ZNF716: variants seen among roughly 807,000 people sequenced by gnomAD.
ZNF716 encodes zinc finger protein 716.
In ZNF716, 9 loss-of-function variants were observed where a neutral mutation model predicts 13.4. The observed-to-expected ratio is 0.67, with a 90% confidence interval of 0.41 to 1.18. The LOEUF is 1.18. Ranked by LOEUF, ZNF716 falls within the 50% of genes most tolerant of loss-of-function variation. The probability of loss-of-function intolerance (pLI) is 0.01; values close to 1 mark genes in which losing one functional copy is unlikely to be tolerated. For missense variants in ZNF716, 581 were observed against 576.6 expected, an observed-to-expected ratio of 1.01 and a Z score of -0.08; for synonymous variants, 186 against 195.2, an observed-to-expected ratio of 0.95 and a Z score of 0.39.
intron 1 of ZNF716, among the ~76,000 whole-genome samples, chr7:57,461,777 C>CT (rs1554323134): frequency 6.6e-6 from 1 of 152,142 alleles, no homozygotes; most frequent in Non-Finnish European, 1.5e-5. Flanking sequence ...CATATTAAGA[C>CT]TTAAGAGGAA....
chr7:57,458,160 G>T (rs1485652032), intron 1 of ZNF716, among the ~76,000 whole-genome samples: 2 of 151,962 alleles, frequency 1.3e-5, no homozygotes, highest in Non-Finnish European at 2.9e-5. Flanking sequence ...ACATTCATTG[G>T]GTATATTCCC....
Position 57,468,896 on chromosome 7 carries a change from T to A in ZNF716, c.435T>A (p.Val145=), listed in dbSNP as rs1462853818. ...TGCACAAAGGAGGTTATAATTATGT[T>A]AACCAATGTTTGTCAGCTACCCAAA... ...CEVHKGGYNY[V]NQCLSATQNK... is the part of the protein sequence containing the mutation. Residue 145 remains valine (V), a synonymous_variant, in exon 4 of 4, where the codon GTT becomes GTA. Coordinates refer to ENST00000420713, the MANE Select transcript of ZNF716 (RefSeq NM_001159279.1). 3.7e-6 allele frequency: 6 copies of A among 1,611,932 alleles called. No homozygotes were observed. In the African/African-American group the frequency reaches 8.0e-5, roughly 22 times the overall value.
At chr7:57,455,542 A>G (rs1789570268) in intron 1 of ZNF716, among the ~76,000 whole-genome samples, 1 of 152,160 alleles carries the variant, frequency 6.6e-6, no homozygotes, top group Non-Finnish European at 1.5e-5. Flanking sequence ...TTAGAGATAG[A>G]GTCTCACTCT....
intron 1 of ZNF716, among the ~76,000 whole-genome samples, chr7:57,455,602 C>T (rs1393824062): frequency 6.6e-6 from 1 of 151,938 alleles, no homozygotes; most frequent in East Asian, 1.9e-4. Context: ...TTGCAATCTC[C>T]ACCTCCTGGA....
intron 1 of ZNF716, among the ~76,000 whole-genome samples, chr7:57,452,251 AT>A (rs1188176123): frequency 2.0e-5 from 3 of 152,086 alleles, no homozygotes; most frequent in African/African-American, 4.8e-5. Context: ...TACATTAATT[AT>A]TTTTTTTAAA....
rs1444730551 is a variant in ZNF716 at position 57,471,707 on chromosome 7, A to G, written c.*1758A>G. On this transcript the variant is annotated 3_prime_UTR_variant, in exon 4 of 4. Coordinates refer to ENST00000420713, the MANE Select transcript of ZNF716 (RefSeq NM_001159279.1). ...TACAGTTTAGAAAACACTAGTTTATACTAAAAAAATATTTTTGCAGATGCA... is the reference window on the plus strand; with the variant it reads ...TACAGTTTAGAAAACACTAGTTTATGCTAAAAAAATATTTTTGCAGATGCA... 1 of 152,146 alleles carries G rather than the reference A, an allele frequency of 6.6e-6. No homozygotes were observed. The highest frequency in any genetic ancestry group is 6.6e-5 in the Admixed American group (1 of 15,230). The allele number at this position is 152,146 out of a possible 1,614,324, so 9.4% of individuals were successfully genotyped here.
Position 57,469,576 on chromosome 7 carries a change from G to C in ZNF716, c.1115G>C (p.Arg372Thr). The C allele has an allele frequency of 6.2e-7, 1 of 1,612,628 alleles. No individual in the cohort carries two copies. Among genetic ancestry groups the C allele is most frequent in the Non-Finnish European group, 8.5e-7 (1 of 1,179,434 alleles). ...TCCTCAACTCTAAATACTCATAAGA[G>C]GATTCATACTGGAGAGAAACCCTAC... ...TFSSTLNTHK[R>T]IHTGEKPYTC... The change falls in exon 4 of 4, where the codon AGG (arginine) becomes ACG (threonine). Residue 372 changes from arginine (R) to threonine (T), a missense_variant. By Grantham distance (71) the Arg-to-Thr change is moderately conservative. Transcript: ENST00000420713.
At chr7:57,452,191 C>G (rs953149667) in intron 1 of ZNF716, among the ~76,000 whole-genome samples, 3 of 152,140 alleles carry the variant, frequency 2.0e-5, no homozygotes, top group Admixed American at 1.3e-4. Context: ...TTCTTTCTAA[C>G]TCATATTATT....
intron 1 of ZNF716, among the ~76,000 whole-genome samples, chr7:57,459,526 G>A (rs1789669030): frequency 2.0e-5 from 3 of 152,192 alleles, no homozygotes; most frequent in Admixed American, 6.5e-5. Flanking sequence ...ATGTGTCTGC[G>A]AAAGCACAAT....
At position 57,463,228 on chromosome 7, in the gene ZNF716, G is replaced by C. The variant is rs1472377907; in HGVS notation, c.262+60G>C. ...GAGAGTTACAAAAGTCAAGGAGGAA[G>C]CCAGTCCTTAAAATGTGGTCTGGGG... On this transcript the variant is annotated intron_variant, in intron 3 of 3. Coordinates refer to ENST00000420713, the MANE Select transcript of ZNF716 (RefSeq NM_001159279.1). The C allele has an allele frequency of 4.4e-6, 7 of 1,590,170 alleles. No individual in the cohort carries two copies. The African/African-American group carries it at 5.4e-5, about 12-fold the overall frequency.
In ZNF716 at chr7:57,462,543, T is replaced by C; in HGVS notation, c.123T>C (p.Tyr41=). The C allele has an allele frequency of 1.9e-6, 3 of 1,613,534 alleles. No homozygotes were observed. The highest frequency in any genetic ancestry group is 1.1e-5 in the South Asian group (1 of 90,974). The part of the protein sequence containing the change: ...QCLDHAQQNL[Y]RDVMLENYRN... ...TGGATCATGCTCAGCAGAATTTATA[T>C]AGAGATGTGATGTTAGAGAACTACA... The change falls in exon 2 of 4, where the codon TAT becomes TAC. Residue 41 remains tyrosine, a synonymous_variant. Transcript: ENST00000420713.
chr7:57,462,758 A>G (rs1266737741), intron 2 of ZNF716, among the ~76,000 whole-genome samples, 172 bp downstream of exon 2: 19 of 152,136 alleles, frequency 1.2e-4, no homozygotes, highest in African/African-American at 2.4e-5. Flanking sequence ...CTTGACCTGA[A>G]CTTTTCCCTT....
chr7:57,464,115 CTTTTTTCTTTTT>C (rs1334608799), intron 3 of ZNF716, among the ~76,000 whole-genome samples: 1 of 110,240 alleles, frequency 9.1e-6, no homozygotes, highest in Non-Finnish European at 1.7e-5. Context: ...TTGTCCATTT[CTTTTTTCTTTTT>C]TTTTTTTTTT....
chr7:57,457,263 T>A lies in ZNF716; in HGVS notation c.40-5197T>A, dbSNP rs150336874. On this transcript the variant is annotated intron_variant, in intron 1 of 3. Coordinates refer to ENST00000420713, the MANE Select transcript of ZNF716 (RefSeq NM_001159279.1). ...ATGGACACAGGACTAAATCAGAGTA[T>A]AGCCCCACATGGACCACTGTCTGTA... 7.0e-3 allele frequency among the ~76,000 whole-genome samples: 1,068 copies of A among 152,284 alleles called. 20 individuals carry two copies. Among genetic ancestry groups the A allele is most frequent in the African/African-American group, 0.024 (1,001 of 41,558 alleles).
chr7:57,450,314 G>A lies in ZNF716; in HGVS notation c.26G>A (p.Gly9Glu), dbSNP rs782493332. 2.3e-5 allele frequency: 37 copies of A among 1,613,854 alleles called. No individual in the cohort carries two copies. The highest frequency in any genetic ancestry group is 2.7e-5 in the Non-Finnish European group (32 of 1,179,972). ...ATGGCTAAAAGACCGGGACCCCCTG[G>A]AAGCCGAGAAATGGTGAGTGCTGGG... MAKRPGPP[G>E]SREMGLLTFR... Residue 9 changes from glycine (G) to glutamate (E), a missense_variant, in exon 1 of 4, where the codon GGA becomes GAA. Gly to Glu is a moderately conservative substitution (Grantham distance 98). Coordinates refer to ENST00000420713, the MANE Select transcript of ZNF716 (RefSeq NM_001159279.1).
chr7:57,457,507 G>A lies in ZNF716; in HGVS notation c.40-4953G>A, dbSNP rs188428037. On this transcript the variant is annotated intron_variant, in intron 1 of 3. Coordinates refer to ENST00000420713, the MANE Select transcript of ZNF716 (RefSeq NM_001159279.1). ...TTACAGGTGTGTGCCACCACATCCA[G>A]CTAATTTTTGTATTTTTAATAGAGA... Among the ~76,000 whole-genome samples, 884 of 152,236 alleles carry A rather than the reference G, an allele frequency of 5.8e-3. 8 individuals carry two copies. Among genetic ancestry groups the A allele is most frequent in the South Asian group, 0.027 (132 of 4,826 alleles).
In ZNF716 at chr7:57,468,728, A is replaced by T; in HGVS notation, c.267A>T (p.Thr89=). ...TGTGATTTTTATGTCTTTCAGTTAC[A>T]TGTTCTCATTTCACCCAAGACCTTC... ...RNEMVAKHPV[T]CSHFTQDLQS... Residue 89 remains threonine (T), a synonymous_variant, in exon 4 of 4, where the codon ACA becomes ACT. Coordinates refer to ENST00000420713, the MANE Select transcript of ZNF716 (RefSeq NM_001159279.1). 6.2e-7 allele frequency: 1 copy of T among 1,602,984 alleles called. No homozygotes were observed. The highest frequency in any genetic ancestry group is 2.2e-5 in the East Asian group (1 of 44,778).
At chr7:57,459,236 A>C (rs1789661183) in intron 1 of ZNF716, among the ~76,000 whole-genome samples, 1 of 151,856 alleles carries the variant, frequency 6.6e-6, no homozygotes. Flanking sequence ...TGCTATGAAA[A>C]TTAAATCACA....
chr7:57,469,231 C>T lies in ZNF716; in HGVS notation c.770C>T (p.Thr257Ile), dbSNP rs782807723. Residue 257 changes from threonine to isoleucine, a missense_variant, in exon 4 of 4, where the codon ACT (threonine) becomes ATT (isoleucine). Thr to Ile is a moderately conservative substitution (Grantham distance 89). Coordinates refer to ENST00000420713, the MANE Select transcript of ZNF716 (RefSeq NM_001159279.1). The stretch of plus-strand genomic sequence containing the variant: ...GCTTTTAGCTGGTCTGCATCCCTTA[C>T]TAAACATAAGAGAATTCATACTGGA... ...GKAFSWSASL[T>I]KHKRIHTGEK... 3.7e-6 allele frequency: 6 copies of T among 1,612,118 alleles called. No individual in the cohort carries two copies. The South Asian group carries it at 5.5e-5, about 15-fold the overall frequency.
Sources: allele counts gnomAD v4.1 joint callset (sites outside exome capture counted in the v4.1 genomes callset), GRCh38; gene constraint gnomAD v4.1.1; transcripts MANE v1.5; gene names NCBI Gene and HGNC (gene_info 2026-07-23, HGNC 2026-07-21).